The following SCHIP1 variants were observed in gnomAD, a reference collection of about 807,000 sequenced individuals.
SCHIP1 encodes the protein schwannomin interacting protein 1.
A neutral mutation model predicts 29.7 loss-of-function variants in SCHIP1; 8 were observed. The observed-to-expected ratio is 0.27, with a 90% confidence interval of 0.16 to 0.49. The LOEUF (loss-of-function observed/expected upper bound fraction) is 0.49. Ranked by LOEUF, SCHIP1 falls within the 20% of genes least tolerant of loss-of-function variation. SCHIP1 has a pLI of 0.99. For missense variants in SCHIP1, 193 were observed against 294.6 expected, an observed-to-expected ratio of 0.66 and a Z score of 2.52; for synonymous variants, 76 against 94.9, an observed-to-expected ratio of 0.80 and a Z score of 1.16.
At chr3:159,491,310 G>A in the SCHIP1 span, among the ~76,000 whole-genome samples, 8 of 152,200 alleles carry the variant, frequency 5.3e-5, no homozygotes, top group Admixed American at 2.0e-4. Flanking sequence ...GCGAGGCATC[G>A]CCTCACCCAG....
chr3:159,277,735 A>T, the SCHIP1 span, among the ~76,000 whole-genome samples: 1 of 151,518 alleles, frequency 6.6e-6, no homozygotes, highest in Non-Finnish European at 1.5e-5. Flanking sequence ...CAGCCTGGGC[A>T]AAGTGATGAA....
At chr3:159,487,369 T>C in the SCHIP1 span, among the ~76,000 whole-genome samples, 1 of 151,974 alleles carries the variant, frequency 6.6e-6, no homozygotes, top group East Asian at 1.9e-4. Context: ...GGCTGGAGGT[T>C]TGTCTCCCTC....
chr3:159,363,534 C>A, the SCHIP1 span, among the ~76,000 whole-genome samples: 1 of 152,174 alleles, frequency 6.6e-6, no homozygotes, highest in Non-Finnish European at 1.5e-5. Flanking sequence ...CCCCACCAGA[C>A]AGATAGACAT....
chr3:159,810,604 T>C, the SCHIP1 span, among the ~76,000 whole-genome samples: 1 of 152,244 alleles, frequency 6.6e-6, no homozygotes, highest in East Asian at 1.9e-4. Context: ...ACTTAACATA[T>C]TGTTTTTGAT....
chr3:159,398,412 G>A, the SCHIP1 span, among the ~76,000 whole-genome samples: 1 of 152,194 alleles, frequency 6.6e-6, no homozygotes, highest in Admixed American at 6.5e-5. Context: ...GGACTTGAGA[G>A]CCATGATGAA....
the SCHIP1 span, among the ~76,000 whole-genome samples, chr3:159,297,987 T>G: frequency 1.3e-5 from 2 of 152,220 alleles, no homozygotes; most frequent in African/African-American, 4.8e-5. Flanking sequence ...TTTGTCTATT[T>G]GTGTGGTGCC....
the SCHIP1 span, among the ~76,000 whole-genome samples, chr3:159,603,182 C>A: frequency 3.3e-5 from 5 of 152,190 alleles, no homozygotes; most frequent in Non-Finnish European, 5.9e-5. Context: ...AACACAAGTA[C>A]AGATTTAAAA....
the SCHIP1 span, among the ~76,000 whole-genome samples, chr3:159,818,117 C>T: frequency 6.6e-6 from 1 of 152,090 alleles, no homozygotes; most frequent in Non-Finnish European, 1.5e-5. Context: ...CCAAGCAGGA[C>T]AGGAGTGTGG....
At chr3:159,601,216 G>T in the SCHIP1 span, among the ~76,000 whole-genome samples, 1 of 152,174 alleles carries the variant, frequency 6.6e-6, no homozygotes, top group African/African-American at 2.4e-5. Context: ...AGCCTGCATG[G>T]TGTGGGTGAT....
At chr3:159,681,215 G>A in the SCHIP1 span, among the ~76,000 whole-genome samples, 1 of 151,718 alleles carries the variant, frequency 6.6e-6, no homozygotes, top group Middle Eastern at 3.4e-3. Flanking sequence ...GTGGGAGTGA[G>A]TGAGCACAGC....
the SCHIP1 span, among the ~76,000 whole-genome samples, chr3:159,489,799 TAGAA>T: frequency 5.9e-5 from 9 of 152,126 alleles, no homozygotes; most frequent in African/African-American, 1.4e-4. Flanking sequence ...ACAGAGCTAA[TAGAA>T]AGAATTCTAA....
chr3:159,506,910 A>C, the SCHIP1 span, among the ~76,000 whole-genome samples: 1 of 152,144 alleles, frequency 6.6e-6, no homozygotes, highest in Non-Finnish European at 1.5e-5. Flanking sequence ...TGATGCCCCC[A>C]GCTTTGTTTT....
At chr3:159,764,597 C>G in the SCHIP1 span, 1 of 1,609,200 alleles carries the variant, frequency 6.2e-7, no homozygotes, top group African/African-American at 1.3e-5. This position sits in a 1 kb window ranked among gnomAD's most constrained non-coding sequence, Gnocchi z 6.1. Flanking sequence ...TTGGTGTCTG[C>G]CCTGGAGGAC....
chr3:159,297,126 T>TTGTGTGTGTGTGTGTGTGTGTGTG, the SCHIP1 span, among the ~76,000 whole-genome samples: 1 of 143,262 alleles, frequency 7.0e-6, no homozygotes, highest in Non-Finnish European at 1.5e-5. Flanking sequence ...TAATATTCCA[T>TTGTGTGTGTGTGTGTGTGTGTGTG]TGTGTGTGTG....
chr3:159,771,021 G>A, the SCHIP1 span, among the ~76,000 whole-genome samples: 2 of 152,188 alleles, frequency 1.3e-5, no homozygotes, highest in African/African-American at 2.4e-5. Flanking sequence ...TAATTGACAC[G>A]TTAATTGAAA....
At chr3:159,506,201 T>G in the SCHIP1 span, among the ~76,000 whole-genome samples, 2 of 152,246 alleles carry the variant, frequency 1.3e-5, no homozygotes, top group Non-Finnish European at 2.9e-5. Context: ...GGTTTTGATT[T>G]GCATTTCTCT....
the SCHIP1 span, among the ~76,000 whole-genome samples, chr3:159,394,975 T>C: frequency 6.6e-6 from 1 of 152,372 alleles, no homozygotes; most frequent in Admixed American, 6.5e-5. Flanking sequence ...AGCTATTGAT[T>C]ATTTTCACAA....
chr3:159,337,268 T>A, the SCHIP1 span, among the ~76,000 whole-genome samples: 1 of 152,122 alleles, frequency 6.6e-6, no homozygotes, highest in South Asian at 2.1e-4. Flanking sequence ...CTGGAAGCAT[T>A]CCCTTTGAAA....
At chr3:159,791,147 A>G in the SCHIP1 span, among the ~76,000 whole-genome samples, 2 of 152,216 alleles carry the variant, frequency 1.3e-5, no homozygotes, top group Non-Finnish European at 2.9e-5. Flanking sequence ...ACCTCAGCGC[A>G]GATAAGTAGA....
Sources: allele counts gnomAD v4.1 joint callset (sites outside exome capture counted in the v4.1 genomes callset), GRCh38; gene constraint gnomAD v4.1.1; non-coding constraint Gnocchi (gnomAD v3.1); transcripts MANE v1.5; gene names NCBI Gene and HGNC (gene_info 2026-07-23, HGNC 2026-07-21).